ACTR3B: variants seen among roughly 807,000 people sequenced by gnomAD.
The protein encoded by ACTR3B is actin-related protein 3B.
Under a neutral mutation model 59.0 loss-of-function variants are expected in ACTR3B, and 8 were observed. The observed-to-expected ratio is 0.14, with a 90% CI of 0.08 to 0.24. The LOEUF (loss-of-function observed/expected upper bound fraction) is 0.24, where lower values mean the gene tolerates loss of function less well. Ranked by LOEUF, ACTR3B falls within the 10% of genes least tolerant of loss-of-function variation. The pLI is 1.00. For synonymous variants in ACTR3B, 148 were observed against 197.9 expected (o/e 0.75, Z 2.12); for missense variants, 245 against 552.3 (o/e 0.44, Z 5.58).
intron 6 of ACTR3B, among the ~76,000 whole-genome samples, chr7:152,819,961 C>T (rs932619626): frequency 3.3e-5 from 5 of 152,150 alleles, no homozygotes; most frequent in African/African-American, 9.7e-5. Context: ...AGGGAAAGAA[C>T]CTATTGGGTT....
At chr7:152,853,434 G>A (rs923373169) in intron 10 of ACTR3B, 60 bp from the exon 11 acceptor site, 2 of 1,522,306 alleles carry the variant, frequency 1.3e-6, no homozygotes, top group Non-Finnish European at 1.8e-6. Context: ...TCAGCCGGGG[G>A]ATGATTAGAT....
At chr7:152,806,609 T>G (rs1485389643) in intron 4 of ACTR3B, among the ~76,000 whole-genome samples, 3 of 152,198 alleles carry the variant, frequency 2.0e-5, no homozygotes, top group Non-Finnish European at 4.4e-5. Context: ...ACCAGTTGAT[T>G]ACTGCACCTC....
rs1005573699 is a variant in ACTR3B, at chr7:152,855,137, ACAG to A, written c.*587_*589del. ...ATATGTTTATAGGCAAACAAATAAA[ACAG>A]CAAACTTTTTTGCCACATGTTTGCT... On this transcript the variant is annotated 3_prime_UTR_variant, in exon 12 of 12. Transcript: ENST00000256001. The A allele has an allele frequency of 6.5e-6, 1 of 152,718 alleles. No individual in the cohort carries two copies. Among genetic ancestry groups the A allele is most frequent in the Non-Finnish European group, 1.5e-5 (1 of 68,092 alleles). The allele number at this position is 152,718 out of a possible 1,614,324, so 9.5% of individuals were successfully genotyped here.
At chr7:152,821,365 A>G (rs1486477672) in intron 7 of ACTR3B, among the ~76,000 whole-genome samples, 1 of 152,040 alleles carries the variant, frequency 6.6e-6, no homozygotes, top group Non-Finnish European at 1.5e-5. Flanking sequence ...AGTGGCTCAC[A>G]TCTATAATCC....
In ACTR3B at chr7:152,779,732, G is replaced by C. The variant is rs529225587; in HGVS notation, c.45-3455G>C. Among the ~76,000 whole-genome samples the C allele has an allele frequency of 1.4e-3, 208 of 152,200 alleles. 2 individuals are homozygous for C. Among genetic ancestry groups the C allele is most frequent in the African/African-American group, 4.8e-3 (201 of 41,532 alleles). ...CTCCTGGGAAAGAATTTGAGGATGCGTACTTTTTAGATGACATCTACTGAG... is the reference window on the plus strand; with the variant it reads ...CTCCTGGGAAAGAATTTGAGGATGCCTACTTTTTAGATGACATCTACTGAG... On this transcript the variant is annotated intron_variant, in intron 1 of 11. Transcript: ENST00000256001.
At chr7:152,819,456 C>T (rs1795979473) in intron 6 of ACTR3B, among the ~76,000 whole-genome samples, 1 of 152,274 alleles carries the variant, frequency 6.6e-6, no homozygotes, top group Admixed American at 6.5e-5. Context: ...CAGCATCCTG[C>T]TCATCCCCTG....
chr7:152,803,019 G>A (rs377165081), intron 4 of ACTR3B, among the ~76,000 whole-genome samples: 1 of 152,124 alleles, frequency 6.6e-6, no homozygotes, highest in South Asian at 2.1e-4. Flanking sequence ...TACATCCATA[G>A]TGGTTTATTT....
intron 9 of ACTR3B, among the ~76,000 whole-genome samples, chr7:152,848,775 A>C (rs1798565701): frequency 6.6e-6 from 1 of 152,216 alleles, no homozygotes; most frequent in Non-Finnish European, 1.5e-5. Flanking sequence ...CACAAGACCC[A>C]TCTGAAGGAA....
At chr7:152,770,409 A>T (rs2098121155) in intron 1 of ACTR3B, among the ~76,000 whole-genome samples, 1 of 151,952 alleles carries the variant, frequency 6.6e-6, no homozygotes, top group Non-Finnish European at 1.5e-5. Flanking sequence ...AAAGAAGCAT[A>T]TTCTGGCAGC....
At position 152,762,928 on chromosome 7, in the gene ACTR3B, C is replaced by T. The variant is rs146503097; in HGVS notation, c.44+3002C>T. Reference sequence around the variant, plus strand: ...CATCGAAAGGCTTAAGATAGGGACTCGCCTCAGTCTTGATGAAGTTCACTT... The same window carrying T: ...CATCGAAAGGCTTAAGATAGGGACTTGCCTCAGTCTTGATGAAGTTCACTT... On this transcript the variant is annotated intron_variant, in intron 1 of 11. Coordinates refer to ENST00000256001, the MANE Select transcript of ACTR3B (RefSeq NM_020445.6). Among the ~76,000 whole-genome samples, 806 of 152,266 alleles carry T rather than the reference C, an allele frequency of 5.3e-3. 10 individuals are homozygous for T. The highest frequency in any genetic ancestry group is 0.019 in the African/African-American group (783 of 41,566).
At chr7:152,783,798 T>G (rs1380117018) in intron 2 of ACTR3B, among the ~76,000 whole-genome samples, 1 of 151,754 alleles carries the variant, frequency 6.6e-6, no homozygotes, top group Non-Finnish European at 1.5e-5. Flanking sequence ...TGTTAAAGGA[T>G]AGGATTCTTG....
At chr7:152,851,506 C>T (rs77416289) in intron 9 of ACTR3B, among the ~76,000 whole-genome samples, 1,998 of 152,284 alleles carry the variant, frequency 0.013, 20 homozygotes, top group East Asian at 0.034. Context: ...GGGTTGACAA[C>T]GCGGAGATGC....
intron 9 of ACTR3B, among the ~76,000 whole-genome samples, chr7:152,834,939 GGTGTCCAGAAA>G (rs1297170929): frequency 6.6e-6 from 1 of 152,190 alleles, no homozygotes; most frequent in East Asian, 1.9e-4. Context: ...ACTGTGGGCT[GGTGTCCAGAAA>G]GTGTCCAGAA....
At chr7:152,805,983 G>A (rs1041581570) in intron 4 of ACTR3B, among the ~76,000 whole-genome samples, 1 of 152,116 alleles carries the variant, frequency 6.6e-6, no homozygotes, top group African/African-American at 2.4e-5. Context: ...TCAATACCAG[G>A]TGATAATTTT....
intron 1 of ACTR3B, among the ~76,000 whole-genome samples, chr7:152,778,086 G>T (rs1474565314): frequency 6.6e-6 from 1 of 151,074 alleles, no homozygotes; most frequent in Non-Finnish European, 1.5e-5. Context: ...AGATCTCCTT[G>T]GCTTAATTCT....
intron 1 of ACTR3B, among the ~76,000 whole-genome samples, chr7:152,765,435 A>G (rs1435243449): frequency 6.7e-6 from 1 of 148,422 alleles, no homozygotes; most frequent in Non-Finnish European, 1.5e-5. Context: ...TTTTTTTTAA[A>G]TAGTCATTCC....
intron 3 of ACTR3B, 123 bp from the exon 4 acceptor site, chr7:152,801,498 C>G: frequency 7.8e-7 from 1 of 1,277,402 alleles, no homozygotes; most frequent in South Asian, 1.5e-5. Flanking sequence ...CAAGAATTAA[C>G]AAAAACTGCA....
At chr7:152,773,620 C>A (rs1190746860) in intron 1 of ACTR3B, among the ~76,000 whole-genome samples, 1 of 151,760 alleles carries the variant, frequency 6.6e-6, no homozygotes, top group Non-Finnish European at 1.5e-5. Context: ...AAAAATAAGC[C>A]AAGCAAATGC....
chr7:152,800,746 G>A, intron 3 of ACTR3B, 91 bp downstream of exon 3: 1 of 1,455,134 alleles, frequency 6.9e-7, no homozygotes, highest in East Asian at 2.4e-5. Flanking sequence ...TTTGCGAGTT[G>A]TAGAATGTGT....
Sources: gnomAD v4.1 joint callset for allele counts (sites outside exome capture counted in the v4.1 genomes callset) on GRCh38, gnomAD v4.1.1 for gene constraint, MANE v1.5 for transcripts, NCBI Gene and HGNC (gene_info 2026-07-23, HGNC 2026-07-21) for gene names.